HYDIN: variants seen among roughly 807,000 people sequenced by gnomAD.
The protein encoded by HYDIN is HYDIN axonemal central pair apparatus protein, also known as axonemal central pair apparatus protein HYDIN.
Under a neutral mutation model 403.9 loss-of-function variants are expected in HYDIN, and 132 were observed. The ratio of observed to expected loss-of-function variants is 0.33; its 90% CI spans 0.28 to 0.38. The LOEUF (loss-of-function observed/expected upper bound fraction) is 0.38. HYDIN is among the 10% of genes least tolerant of loss of function. HYDIN has a pLI of 1.00. For missense variants in HYDIN, 2,827 were observed against 5,009.5 expected (o/e 0.56, Z 13.15); for synonymous variants, 1,202 against 1,891.7 (o/e 0.64, Z 9.46).
At chr16:70,841,692 T>C (rs1025206255) in intron 75 of HYDIN, among the ~76,000 whole-genome samples, 2 of 152,090 alleles carry the variant, frequency 1.3e-5, no homozygotes, top group Non-Finnish European at 2.9e-5. Flanking sequence ...CACTCCTTCT[T>C]GCTCTCTCTC....
Position 70,807,632 on chromosome 16 carries a change from C to A in HYDIN, c.15314G>T (p.Gly5105Val). ...KLTVSCPPGE[G>V]SETGVKWVYY... ...AACCCATTTAACTCCAGTCTCACTC[C>A]CTTCACCAGGAGGGCAGCTCACAGT... Residue 5105 changes from glycine to valine, a missense_variant, in exon 86 of 86, where the codon GGG becomes GTG. Gly to Val is a moderately radical substitution (Grantham distance 109). Coordinates refer to ENST00000393567, the MANE Select transcript of HYDIN (RefSeq NM_001270974.2). 6.2e-7 allele frequency: 1 copy of A among 1,614,136 alleles called. No homozygotes were observed. Among genetic ancestry groups the A allele is most frequent in the Admixed American group, 1.7e-5 (1 of 60,024 alleles).
intron 64 of HYDIN, among the ~76,000 whole-genome samples, chr16:70,872,606 T>C (rs2040197529): frequency 7.6e-6 from 1 of 132,098 alleles, no homozygotes; most frequent in Admixed American, 7.6e-5. Context: ...CATCCAGCCA[T>C]CATCCACCCA....
chr16:70,897,129 C>A (rs1193221648), intron 53 of HYDIN, among the ~76,000 whole-genome samples: 2 of 151,730 alleles, frequency 1.3e-5, no homozygotes, highest in African/African-American at 4.8e-5. Context: ...CCAGAATATA[C>A]AAGGAACTCA....
At chr16:71,183,151 G>T (rs549766568) in intron 3 of HYDIN, among the ~76,000 whole-genome samples, 1 of 152,204 alleles carries the variant, frequency 6.6e-6, no homozygotes, top group Admixed American at 6.6e-5. Context: ...GGTGGTGGAG[G>T]AAGTGGTGAG....
rs2035056401 is a variant in HYDIN, at chr16:70,805,162, C to T, written c.*2418G>A. Among the ~76,000 whole-genome samples, 2 of 152,162 alleles carry T rather than the reference C, an allele frequency of 1.3e-5. No homozygotes were observed. Among genetic ancestry groups the T allele is most frequent in the Non-Finnish European group, 2.9e-5 (2 of 68,030 alleles). On this transcript the variant is annotated 3_prime_UTR_variant, in exon 86 of 86. Coordinates refer to ENST00000393567, the MANE Select transcript of HYDIN (RefSeq NM_001270974.2). ...GAGGGTTAATTTCATCAACTAGGTC[C>T]TATGCAGATTTGGTAAGACTTCTCA...
At chr16:70,882,015 C>T (rs1341029035) in intron 60 of HYDIN, among the ~76,000 whole-genome samples, 7 of 152,232 alleles carry the variant, frequency 4.6e-5, no homozygotes, top group Non-Finnish European at 8.8e-5. Context: ...AAGGCAGTTT[C>T]GAGCCTGGCA....
intron 36 of HYDIN, among the ~76,000 whole-genome samples, chr16:70,969,630 G>A (rs575625740): frequency 1.1e-4 from 17 of 152,238 alleles, no homozygotes; most frequent in African/African-American, 3.4e-4. Flanking sequence ...AGAGCTAAAG[G>A]TAGCTCTCTA....
intron 9 of HYDIN, among the ~76,000 whole-genome samples, chr16:71,124,228 G>A (rs912519539): frequency 1.3e-5 from 2 of 152,110 alleles, no homozygotes; most frequent in Non-Finnish European, 2.9e-5. Flanking sequence ...GTTAAATGAT[G>A]AGCATGATGA....
intron 45 of HYDIN, among the ~76,000 whole-genome samples, chr16:70,922,165 C>T (rs1258702509): frequency 2.6e-5 from 4 of 152,282 alleles, no homozygotes; most frequent in African/African-American, 9.6e-5. Flanking sequence ...GCCCTTCCTC[C>T]TTCTTTGCTT....
chr16:71,196,172 G>T (rs568760594), intron 1 of HYDIN, among the ~76,000 whole-genome samples: 2 of 152,340 alleles, frequency 1.3e-5, no homozygotes, highest in South Asian at 4.1e-4. Context: ...AGTAGTAGAT[G>T]TGAAAGGCAA....
In HYDIN at chr16:70,818,148, G is replaced by T. The variant is rs1268379938; in HGVS notation, c.14658+194C>A. ...AGGTTCATAAGAGAGAATTCCAAAC[G>T]ATGTGCCCAAGCTCCTATGAGGACT... is the stretch of plus-strand genomic sequence containing the variant. On this transcript the variant is annotated intron_variant, in intron 84 of 85. Transcript: ENST00000393567. 2.6e-5 allele frequency among the ~76,000 whole-genome samples: 4 copies of T among 152,196 alleles called. No homozygotes were observed. The South Asian group carries it at 8.3e-4, about 32-fold the overall frequency.
intron 60 of HYDIN, 39 bp downstream of exon 60, chr16:70,882,621 T>A (rs1202120158): frequency 4.6e-6 from 7 of 1,520,738 alleles, no homozygotes; most frequent in South Asian, 1.1e-5. Context: ...CAGCTTTATG[T>A]GAACCACGCT....
chr16:70,974,363 A>G (rs1477371932), intron 32 of HYDIN, 63 bp from the exon 33 acceptor site: 9 of 1,494,530 alleles, frequency 6.0e-6, no homozygotes, highest in African/African-American at 1.4e-5. Context: ...GAGCTGCTCT[A>G]GAGAAAGCCC....
intron 18 of HYDIN, among the ~76,000 whole-genome samples, chr16:71,042,265 A>G (rs940085859): frequency 3.3e-5 from 5 of 152,086 alleles, no homozygotes; most frequent in Non-Finnish European, 7.4e-5. Flanking sequence ...CCACTCTCCC[A>G]TTTTTCCCAT....
At chr16:70,931,598 C>T (rs953815563) in intron 45 of HYDIN, among the ~76,000 whole-genome samples, 16 of 151,518 alleles carry the variant, frequency 1.1e-4, no homozygotes, top group African/African-American at 3.6e-4. Context: ...AGGTGATTTG[C>T]GTGCATATTC....
intron 18 of HYDIN, among the ~76,000 whole-genome samples, chr16:71,049,098 C>T (rs1478368105): frequency 2.0e-5 from 3 of 152,284 alleles, no homozygotes; most frequent in Admixed American, 1.3e-4. Context: ...AGATAAACAT[C>T]ATATGGGCCA....
chr16:71,148,345 T>C (rs1320523840), intron 7 of HYDIN, among the ~76,000 whole-genome samples: 1 of 152,200 alleles, frequency 6.6e-6, no homozygotes, highest in Non-Finnish European at 1.5e-5. Context: ...ATATTTGCTG[T>C]CATTACTTCC....
At chr16:71,137,038 C>T in intron 8 of HYDIN, 113 bp downstream of exon 8, 1 of 716,844 alleles carries the variant, frequency 1.4e-6, no homozygotes, top group Non-Finnish European at 2.3e-6. Flanking sequence ...AAAAATGTGA[C>T]ATTGGTTGAG....
In HYDIN at chr16:70,955,524, A is replaced by G. The variant is rs763674897; in HGVS notation, c.6167T>C (p.Val2056Ala). 3 of 1,532,818 alleles carry G rather than the reference A, an allele frequency of 2.0e-6. No homozygotes were observed. The allele number at this position is 1,532,818 out of a possible 1,614,324, so 95.0% of individuals were successfully genotyped here. ...GCAGGCTGCGTTGTAGTACTTGGCCACGCTAACGGCATTGGCTGACTTTCC... is the reference window on the plus strand; with the variant it reads ...GCAGGCTGCGTTGTAGTACTTGGCCGCGCTAACGGCATTGGCTGACTTTCC... Reference protein sequence around the residue: ...LSGKSANAVSVAKYYNAACLS... With the variant: ...LSGKSANAVSAAKYYNAACLS... Residue 2056 changes from valine to alanine, a missense_variant, in exon 40 of 86, where the codon GTG (valine) becomes GCG (alanine). By Grantham distance (64) the Val-to-Ala change is moderately conservative. Coordinates refer to ENST00000393567, the MANE Select transcript of HYDIN (RefSeq NM_001270974.2).
Sources: gnomAD v4.1 joint callset for allele counts (sites outside exome capture counted in the v4.1 genomes callset) on GRCh38, gnomAD v4.1.1 for gene constraint, MANE v1.5 for transcripts, NCBI Gene and HGNC (gene_info 2026-07-23, HGNC 2026-07-21) for gene names.